NBAS: variants seen among roughly 807,000 people sequenced by gnomAD.
NBAS encodes NAG/BC035112 fusion.
In NBAS, 219 loss-of-function variants were observed where a neutral mutation model predicts 302.5. That is an observed-to-expected ratio of 0.72 (90% CI 0.65 to 0.81). The LOEUF is 0.81. Among genes scored for constraint, NBAS ranks in the 30% least tolerant of loss-of-function variants. The pLI, the probability that NBAS is intolerant of heterozygous loss-of-function variation, is 0.00. For synonymous variants in NBAS, 1,118 were observed against 1,021.6 expected (o/e 1.09, Z -1.80); for missense variants, 2,932 against 2,841.6 (o/e 1.03, Z -0.72).
At chr2:15,124,561 A>C in the NBAS span, among the ~76,000 whole-genome samples, 978 of 152,274 alleles carry the variant, frequency 6.4e-3, 12 homozygotes, top group African/African-American at 0.022. Context: ...TATTTCAGAG[A>C]TTTCTAACAC....
chr2:15,516,397 G>C (rs1662391088), intron 9 of NBAS, among the ~76,000 whole-genome samples: 1 of 152,098 alleles, frequency 6.6e-6, no homozygotes, highest in Non-Finnish European at 1.5e-5. Flanking sequence ...CCATCATTAA[G>C]ACATTCTCAC....
intron 1 of NBAS, among the ~76,000 whole-genome samples, chr2:15,560,029 G>A (rs901099198): frequency 2.0e-5 from 3 of 152,076 alleles, no homozygotes; most frequent in African/African-American, 4.8e-5. Flanking sequence ...GTGGGAAGGA[G>A]GCTACAGAGG....
At chr2:15,071,699 G>C in the NBAS span, among the ~76,000 whole-genome samples, 1 of 151,528 alleles carries the variant, frequency 6.6e-6, no homozygotes, top group African/African-American at 2.4e-5. Flanking sequence ...TGCTTTATAT[G>C]GTAGCAAAGG....
chr2:15,436,586 A>T (rs1244791968), intron 21 of NBAS, among the ~76,000 whole-genome samples: 1 of 152,244 alleles, frequency 6.6e-6, no homozygotes, highest in East Asian at 1.9e-4. Context: ...CCTCATCTAA[A>T]TGGATAGAAA....
the NBAS span, among the ~76,000 whole-genome samples, chr2:14,818,786 A>G: frequency 6.6e-6 from 1 of 152,226 alleles, no homozygotes; most frequent in Non-Finnish European, 1.5e-5. Flanking sequence ...ATACTTGGAG[A>G]TGACACCAGG....
the NBAS span, among the ~76,000 whole-genome samples, chr2:14,912,442 G>A: frequency 6.6e-6 from 1 of 151,998 alleles, no homozygotes; most frequent in African/African-American, 2.4e-5. Context: ...TATTCCAGTT[G>A]GGAAAATCTG....
At chr2:15,416,203 C>A (rs943163587) in intron 24 of NBAS, among the ~76,000 whole-genome samples, 5 of 152,158 alleles carry the variant, frequency 3.3e-5, no homozygotes, top group Admixed American at 1.3e-4. Flanking sequence ...CAAATAAGCA[C>A]AGGTTCTAAA....
At chr2:14,874,626 C>T in the NBAS span, among the ~76,000 whole-genome samples, 38 of 146,364 alleles carry the variant, frequency 2.6e-4, no homozygotes, top group Admixed American at 7.5e-4. Context: ...GACGACAAAG[C>T]GAGACTCTGT....
At chr2:15,049,225 G>A in the NBAS span, among the ~76,000 whole-genome samples, 4 of 152,198 alleles carry the variant, frequency 2.6e-5, no homozygotes, top group South Asian at 2.1e-4. Context: ...CCAGTCACCC[G>A]CCTGCCAAGA....
the NBAS span, among the ~76,000 whole-genome samples, chr2:14,992,631 G>A: frequency 2.2e-4 from 33 of 152,150 alleles, no homozygotes; most frequent in Admixed American, 5.9e-4. Flanking sequence ...AGTCAGCCCC[G>A]AATCTGTGTA....
At chr2:15,354,620 A>G (rs1224682702) in intron 33 of NBAS, among the ~76,000 whole-genome samples, 1 of 152,248 alleles carries the variant, frequency 6.6e-6, no homozygotes, top group Admixed American at 6.5e-5. Context: ...CAATTTGCTA[A>G]TGCTGAAGTT....
chr2:14,824,843 G>T, the NBAS span, among the ~76,000 whole-genome samples: 1 of 152,024 alleles, frequency 6.6e-6, no homozygotes. Flanking sequence ...GAGATGTTTA[G>T]AATTCCACCA....
chr2:15,206,849 T>C (rs567839989), intron 48 of NBAS, among the ~76,000 whole-genome samples: 22 of 152,120 alleles, frequency 1.4e-4, no homozygotes, highest in African/African-American at 5.3e-4. Flanking sequence ...TGTATGGAAA[T>C]CCCTGGAGGT....
chr2:15,102,883 C>T, the NBAS span, among the ~76,000 whole-genome samples: 720 of 152,046 alleles, frequency 4.7e-3, 10 homozygotes, highest in Non-Finnish European at 4.1e-3. Context: ...CTTTTATCTA[C>T]CTTGGCATCT....
At chr2:15,200,792 T>G (rs1268672930) in intron 48 of NBAS, among the ~76,000 whole-genome samples, 1 of 152,204 alleles carries the variant, frequency 6.6e-6, no homozygotes, top group Non-Finnish European at 1.5e-5. Context: ...CTTGAAAAAG[T>G]GAACTAAGTC....
the NBAS span, among the ~76,000 whole-genome samples, chr2:14,890,183 T>C: frequency 1.3e-5 from 2 of 152,190 alleles, no homozygotes; most frequent in East Asian, 3.9e-4. Flanking sequence ...CTGGGGTGAC[T>C]ATGAAAAGAA....
the NBAS span, among the ~76,000 whole-genome samples, chr2:14,946,988 ACATAC>A: frequency 1.5e-4 from 16 of 106,368 alleles, no homozygotes; most frequent in Non-Finnish European, 3.0e-4. Flanking sequence ...TGAAAATATA[ACATAC>A]CAAATCTATG....
intron 23 of NBAS, among the ~76,000 whole-genome samples, chr2:15,421,834 T>A (rs1265607859): frequency 6.6e-6 from 1 of 152,192 alleles, no homozygotes; most frequent in Non-Finnish European, 1.5e-5. Context: ...ACTTTATTTT[T>A]TAGAGCAGTT....
chr2:15,312,466 G>A (rs1057063528), intron 38 of NBAS, among the ~76,000 whole-genome samples: 2 of 151,912 alleles, frequency 1.3e-5, no homozygotes, highest in African/African-American at 2.4e-5. Flanking sequence ...TTATAGAGAC[G>A]GAGTATTTTC....
Sources: gnomAD v4.1 joint callset for allele counts (sites outside exome capture counted in the v4.1 genomes callset) on GRCh38, gnomAD v4.1.1 for gene constraint, MANE v1.5 for transcripts, NCBI Gene and HGNC (gene_info 2026-07-23, HGNC 2026-07-21) for gene names.